The following ADGRV1 variants were observed in gnomAD, a reference collection of about 807,000 sequenced individuals.
The protein encoded by ADGRV1 is adhesion G protein-coupled receptor V1.
Under a neutral mutation model 596.2 loss-of-function variants are expected in ADGRV1, and 359 were observed. The observed-to-expected ratio is 0.60, with a 90% CI of 0.55 to 0.66. The LOEUF (loss-of-function observed/expected upper bound fraction) is 0.66. ADGRV1 is among the 30% of genes least tolerant of loss of function. The pLI is 0.00. For missense variants in ADGRV1, 7,274 were observed against 7,575.6 expected (o/e 0.96, Z 1.48); for synonymous variants, 2,681 against 2,679.2 (o/e 1.00, Z -0.02).
intron 85 of ADGRV1, among the ~76,000 whole-genome samples, chr5:91,051,637 G>T (rs1032043763): frequency 6.9e-6 from 1 of 143,988 alleles, no homozygotes; most frequent in Non-Finnish European, 1.5e-5. Flanking sequence ...AGCACCACCT[G>T]CCGGGTTCAT....
At chr5:90,967,065 C>G (rs756274009) in intron 84 of ADGRV1, among the ~76,000 whole-genome samples, 7 of 152,090 alleles carry the variant, frequency 4.6e-5, no homozygotes, top group Non-Finnish European at 7.4e-5. Flanking sequence ...GAGAATACCA[C>G]ATACCACACA....
chr5:91,100,734 A>G (rs1791304390), intron 86 of ADGRV1, among the ~76,000 whole-genome samples: 1 of 152,206 alleles, frequency 6.6e-6, no homozygotes, highest in South Asian at 2.1e-4. Flanking sequence ...CATCATCTTA[A>G]TCAAGTGACC....
chr5:90,612,058 A>G lies in ADGRV1; in HGVS notation c.23-2777A>G, dbSNP rs1055106298. On this transcript the variant is annotated intron_variant, in intron 1 of 89. Transcript: ENST00000405460. ...TGTCACAGAATTTGAGGCATTTCCAATCATGCCTGTGTGCTCATTTTGCAT... is the reference window on the plus strand; with the variant it reads ...TGTCACAGAATTTGAGGCATTTCCAGTCATGCCTGTGTGCTCATTTTGCAT... 2.6e-5 allele frequency among the ~76,000 whole-genome samples: 4 copies of G among 152,160 alleles called. 1 individual carries two copies. Among genetic ancestry groups the G allele is most frequent in the Admixed American group, 2.6e-4 (4 of 15,276 alleles).
Position 91,061,311 on chromosome 5 carries a change from C to T in ADGRV1, c.18153-11136C>T, listed in dbSNP as rs186345689. On this transcript the variant is annotated intron_variant, in intron 85 of 89. Coordinates refer to ENST00000405460, the MANE Select transcript of ADGRV1 (RefSeq NM_032119.4). ...ACCTACCTGGAATGAAGTTGGCAAG[C>T]GGTGTCCAGTGGATTTATTTCAGCA... Among the ~76,000 whole-genome samples, 38 of 152,228 alleles carry T rather than the reference C, an allele frequency of 2.5e-4. No individual in the cohort carries two copies. The East Asian group carries it at 6.9e-3, about 28-fold the overall frequency.
At position 90,937,423 on chromosome 5, in the gene ADGRV1, A is replaced by G. The variant is rs185491545; in HGVS notation, c.17857-27992A>G. 1.0e-4 allele frequency among the ~76,000 whole-genome samples: 15 copies of G among 144,704 alleles called. No individual in the cohort carries two copies. The East Asian group carries it at 3.0e-3, about 29-fold the overall frequency. The allele number at this position is 144,704 out of a possible 152,430, so 94.9% of individuals were successfully genotyped here. A position where few individuals can be genotyped will look rare whatever the true frequency, so the allele number is the denominator to read the frequency against. On this transcript the variant is annotated intron_variant, in intron 83 of 89. Coordinates refer to ENST00000405460, the MANE Select transcript of ADGRV1 (RefSeq NM_032119.4). ...TTTGATCCCAGTTTAAAGTTATCCC[A>G]TTTATTGTATCTTTTAATTGCAGTA...
intron 83 of ADGRV1, among the ~76,000 whole-genome samples, chr5:90,879,921 A>G (rs1006660775): frequency 2.6e-5 from 4 of 152,164 alleles, no homozygotes; most frequent in African/African-American, 9.7e-5. Context: ...ACTGCACTCC[A>G]GTCTGGGTGA....
intron 78 of ADGRV1, among the ~76,000 whole-genome samples, chr5:90,845,499 T>A (rs1036645967): frequency 1.3e-5 from 2 of 152,176 alleles, no homozygotes; most frequent in Non-Finnish European, 2.9e-5. Flanking sequence ...CTGAACATAT[T>A]GCTTGGCTGG....
chr5:90,558,950 A>G (rs1217089195), intron 1 of ADGRV1, 33 bp downstream of exon 1: 1 of 1,545,786 alleles, frequency 6.5e-7, no homozygotes, highest in African/African-American at 1.4e-5. Flanking sequence ...TGCTGCGAGC[A>G]TCGCTGAGCC....
intron 86 of ADGRV1, among the ~76,000 whole-genome samples, chr5:91,077,217 A>G (rs551017018): frequency 1.6e-4 from 24 of 152,312 alleles, no homozygotes; most frequent in African/African-American, 5.5e-4. Flanking sequence ...CACCAAATGT[A>G]CTGGTAGACT....
At chr5:91,073,067 CAT>C (rs2151396839) in intron 86 of ADGRV1, among the ~76,000 whole-genome samples, 1 of 152,300 alleles carries the variant, frequency 6.6e-6, no homozygotes, top group South Asian at 2.1e-4. Flanking sequence ...AGTGGCTACA[CAT>C]GTCTGGTTAC....
intron 87 of ADGRV1, among the ~76,000 whole-genome samples, chr5:91,104,352 C>A (rs967609461): frequency 1.3e-5 from 2 of 152,056 alleles, no homozygotes; most frequent in African/African-American, 4.8e-5. Context: ...TACATAGTGA[C>A]GTATTGATAC....
chr5:90,863,029 T>A (rs1301830288), intron 82 of ADGRV1, among the ~76,000 whole-genome samples: 1 of 152,220 alleles, frequency 6.6e-6, no homozygotes, highest in Non-Finnish European at 1.5e-5. Context: ...TGCTGTTATG[T>A]TTCAGTAATC....
intron 83 of ADGRV1, among the ~76,000 whole-genome samples, chr5:90,877,246 TTGG>T (rs1769303133): frequency 6.6e-6 from 1 of 152,150 alleles, no homozygotes; most frequent in African/African-American, 2.4e-5. Flanking sequence ...TTGCTCTACC[TTGG>T]ATTATGTTCT....
chr5:91,077,335 G>T (rs1264970146), intron 86 of ADGRV1, among the ~76,000 whole-genome samples: 1 of 152,160 alleles, frequency 6.6e-6, no homozygotes, highest in East Asian at 1.9e-4. Context: ...TGAGCTCCAA[G>T]CTAATCACTC....
Position 90,720,952 on chromosome 5 carries a change from T to C in ADGRV1, c.9641T>C (p.Ile3214Thr). The change falls in exon 45 of 90, where the codon ATC becomes ACC. Residue 3214 changes from isoleucine to threonine, a missense_variant. Ile to Thr is a moderately conservative substitution (Grantham distance 89, BLOSUM62 -1). Transcript: ENST00000405460. ...AVENRATSID[I>T]EEANRTVYLN... The stretch of plus-strand genomic sequence containing the variant: ...TCTTTCAGAGCCACCTCCATAGACA[T>C]CGAAGAAGCCAATAGGACCGTGTAT... The C allele has an allele frequency of 6.2e-7, 1 of 1,611,112 alleles. No homozygotes were observed. The highest frequency in any genetic ancestry group is 8.5e-7 in the Non-Finnish European group (1 of 1,178,130).
At chr5:90,972,897 A>G (rs193081263) in intron 84 of ADGRV1, among the ~76,000 whole-genome samples, 1 of 152,298 alleles carries the variant, frequency 6.6e-6, no homozygotes, top group African/African-American at 2.4e-5. Flanking sequence ...CCTACAAAAA[A>G]TCAATGAATC....
chr5:90,593,602 T>A (rs1198665051), intron 1 of ADGRV1, among the ~76,000 whole-genome samples: 1 of 152,150 alleles, frequency 6.6e-6, no homozygotes, highest in South Asian at 2.1e-4. Context: ...AGTATAATAA[T>A]AATTTTTTAA....
intron 1 of ADGRV1, among the ~76,000 whole-genome samples, chr5:90,608,582 T>C (rs1049885979): frequency 3.9e-5 from 6 of 152,142 alleles, no homozygotes; most frequent in African/African-American, 1.2e-4. Flanking sequence ...ATTAAACCTT[T>C]AGTTAAGTGG....
At position 90,678,996 on chromosome 5, in the gene ADGRV1, A is replaced by G. The variant is rs558979273; in HGVS notation, c.5444-553A>G. On this transcript the variant is annotated intron_variant, in intron 25 of 89. Coordinates refer to ENST00000405460, the MANE Select transcript of ADGRV1 (RefSeq NM_032119.4). ...AGCTGGCATCTTTCACAACCAGGAA[A>G]GCAGAATTGTTAGGTGACTTGTCTA... is the stretch of plus-strand genomic sequence containing the variant. Among the ~76,000 whole-genome samples the G allele has an allele frequency of 2.0e-4, 30 of 152,278 alleles. No homozygotes were observed. In the East Asian group the frequency reaches 3.3e-3, roughly 17 times the overall value.
Sources: allele counts gnomAD v4.1 joint callset (sites outside exome capture counted in the v4.1 genomes callset), GRCh38; gene constraint gnomAD v4.1.1; transcripts MANE v1.5; gene names NCBI Gene and HGNC (gene_info 2026-07-23, HGNC 2026-07-21).